Variants in NOMO1 observed in about 807,000 individuals in gnomAD.
NOMO1 encodes NODAL modulator 1.
NOMO1 carries 40 observed loss-of-function variants against 133.8 expected under a neutral mutation model. The observed-to-expected ratio is 0.30, with a 90% CI of 0.23 to 0.39. The LOEUF is 0.39. Among genes scored for constraint, NOMO1 ranks in the 10% least tolerant of loss-of-function variants. The probability of loss-of-function intolerance (pLI) is 1.00; values close to 1 mark genes in which losing one functional copy is unlikely to be tolerated. For missense variants in NOMO1, 462 were observed against 1,419.9 expected (o/e 0.33, Z 10.84); for synonymous variants, 236 against 570.5 (o/e 0.41, Z 8.36).
intron 15 of NOMO1, among the ~76,000 whole-genome samples, chr16:14,867,937 T>G (rs1964028076): frequency 8.4e-6 from 1 of 119,042 alleles, no homozygotes; most frequent in African/African-American, 2.9e-5. Flanking sequence ...CTTCTTTATC[T>G]CCTCCCACTG....
intron 20 of NOMO1, 113 bp downstream of exon 20, chr16:14,875,535 T>C: frequency 1.3e-6 from 1 of 759,040 alleles, no homozygotes; most frequent in Non-Finnish European, 2.2e-6. Context: ...TAAGCCACCT[T>C]ACATCCTCTC....
chr16:14,875,498 T>G (rs1273789850), intron 20 of NOMO1, 76 bp downstream of exon 20: 19 of 792,402 alleles, frequency 2.4e-5, no homozygotes, highest in Middle Eastern at 7.5e-4. Flanking sequence ...CAAGTAGATT[T>G]GTGATGTTAT....
chr16:14,886,926 G>A, intron 28 of NOMO1, 64 bp downstream of exon 28: 1 of 1,455,458 alleles, frequency 6.9e-7, no homozygotes, highest in Non-Finnish European at 9.6e-7. Context: ...TTTAGTTTAA[G>A]GAAGCACAGT....
intron 11 of NOMO1, among the ~76,000 whole-genome samples, chr16:14,859,109 CA>C (rs1963885013): frequency 6.6e-6 from 1 of 151,950 alleles, no homozygotes; most frequent in Admixed American, 6.6e-5. Flanking sequence ...ATTAGAAGAA[CA>C]GTAGGCCAAA....
At chr16:14,891,786 G>T (rs1827939809) in intron 29 of NOMO1, among the ~76,000 whole-genome samples, 1 of 152,066 alleles carries the variant, frequency 6.6e-6, no homozygotes, top group Non-Finnish European at 1.5e-5. Context: ...GTGGAGCAGT[G>T]CTAGGGCTTG....
intron 23 of NOMO1, 129 bp downstream of exon 23, chr16:14,878,963 G>C: frequency 1.9e-6 from 2 of 1,059,488 alleles, no homozygotes; most frequent in Non-Finnish European, 2.9e-6. Context: ...TCAGTTTCTT[G>C]GGGGCCCACG....
intron 16 of NOMO1, among the ~76,000 whole-genome samples, 189 bp from the exon 17 acceptor site, chr16:14,871,432 G>T (rs529680672): frequency 2.0e-5 from 3 of 152,104 alleles, no homozygotes; most frequent in Admixed American, 6.5e-5. Context: ...CATGGATCGG[G>T]TTATTGGTAA....
chr16:14,893,530 G>A (rs1169762382), intron 29 of NOMO1, among the ~76,000 whole-genome samples: 4 of 152,010 alleles, frequency 2.6e-5, no homozygotes, highest in Admixed American at 2.6e-4. Context: ...GGAAAAATGG[G>A]TTGGGTTCTA....
At chr16:14,875,563 TGTTG>T (rs1810756783) in intron 20 of NOMO1, 141 bp downstream of exon 20, 1 of 949,850 alleles carries the variant, frequency 1.1e-6, no homozygotes, top group African/African-American at 1.6e-5. Context: ...CAGATGTTAC[TGTTG>T]GTTGGATGGA....
intron 2 of NOMO1, among the ~76,000 whole-genome samples, chr16:14,840,951 G>A (rs1963596598): frequency 6.6e-6 from 1 of 151,700 alleles, no homozygotes; most frequent in Non-Finnish European, 1.5e-5. Flanking sequence ...ATAGGTGTGA[G>A]GTGCTGTGCC....
chr16:14,895,611 G>A lies in NOMO1; in HGVS notation c.3635G>A (p.Arg1212Lys). The change falls in exon 31 of 31, where the codon AGA (arginine) becomes AAA (lysine). Residue 1212 changes from arginine to lysine, a missense_variant. Transcript: ENST00000287667. ...SDNSGPEDAK[R>K]QAKKQKTRRT is the part of the protein sequence containing the mutation. ...AATAGCGGCCCAGAAGATGCAAAGA[G>A]ACAAGCCAAGAAACAGAAGACAAGG... 6.2e-7 allele frequency: 1 copy of A among 1,612,042 alleles called. No homozygotes were observed. The highest frequency in any genetic ancestry group is 1.1e-5 in the South Asian group (1 of 90,990).
intron 26 of NOMO1, among the ~76,000 whole-genome samples, chr16:14,883,339 CTTTT>C (rs1239971993): frequency 7.1e-6 from 1 of 140,964 alleles, no homozygotes. Context: ...TTTTCTTTTT[CTTTT>C]TTTTTTTTTT....
chr16:14,864,453 C>A, intron 12 of NOMO1, 132 bp from the exon 13 acceptor site: 1 of 1,463,256 alleles, frequency 6.8e-7, no homozygotes, highest in South Asian at 1.4e-5. Flanking sequence ...ATTGTAAAAT[C>A]GGCCTGGAAA....
intron 22 of NOMO1, among the ~76,000 whole-genome samples, chr16:14,877,155 GTTT>G (rs758384408): frequency 1.7e-5 from 2 of 117,586 alleles, no homozygotes; most frequent in Admixed American, 9.1e-5. Flanking sequence ...ATATACTGTT[GTTT>G]TTTTTTTTTT....
chr16:14,853,021 A>G (rs1963782989), intron 7 of NOMO1: 1 of 201,704 alleles, frequency 5.0e-6, no homozygotes, highest in East Asian at 1.3e-4. Context: ...AAAAAATTCA[A>G]GAATATCATG....
intron 25 of NOMO1, 67 bp from the exon 26 acceptor site, chr16:14,882,527 A>G (rs1964257777): frequency 6.2e-7 from 1 of 1,610,630 alleles, no homozygotes. Context: ...CAGCCAAACC[A>G]GGCTTGGACC....
At chr16:14,892,315 T>C (rs1311506788) in intron 29 of NOMO1, among the ~76,000 whole-genome samples, 5 of 151,576 alleles carry the variant, frequency 3.3e-5, no homozygotes, top group African/African-American at 1.2e-4. Flanking sequence ...GGCTGCACTG[T>C]GGCCCCAGTT....
chr16:14,836,599 C>A (rs1963513794), intron 1 of NOMO1, among the ~76,000 whole-genome samples: 1 of 151,608 alleles, frequency 6.6e-6, no homozygotes, highest in Non-Finnish European at 1.5e-5. Context: ...GGAAATTTTC[C>A]TTGAGCCCAG....
chr16:14,880,026 G>A lies in NOMO1; in HGVS notation c.2769G>A (p.Gln923=), dbSNP rs1199347949. 2 of 1,611,558 alleles carry A rather than the reference G, an allele frequency of 1.2e-6. No individual in the cohort carries two copies. The highest frequency in any genetic ancestry group is 2.2e-5 in the East Asian group (1 of 44,848). The change falls in exon 24 of 31, where the codon CAG becomes CAA. Residue 923 remains glutamine (Q), a synonymous_variant. Coordinates refer to ENST00000287667, the MANE Select transcript of NOMO1 (RefSeq NM_014287.4). ...GATTATCTTGGTAGAGCCCTGGCCA[G>A]TATTACTTCAAACCCATGATGAAGG... is the stretch of plus-strand genomic sequence containing the variant. ...ILTFSNLSPG[Q]YYFKPMMKEF...
Sources: allele counts gnomAD v4.1 joint callset (sites outside exome capture counted in the v4.1 genomes callset), GRCh38; gene constraint gnomAD v4.1.1; transcripts MANE v1.5; gene names NCBI Gene and HGNC (gene_info 2026-07-23, HGNC 2026-07-21).